The following SH3GL2 variants were observed in gnomAD, a reference collection of about 807,000 sequenced individuals.
SH3GL2 encodes endophilin-A1.
A neutral mutation model predicts 46.0 loss-of-function variants in SH3GL2; 24 were observed. The ratio of observed to expected loss-of-function variants is 0.52; its 90% confidence interval spans 0.38 to 0.73. The LOEUF is 0.73. Among genes scored for constraint, SH3GL2 ranks in the 30% least tolerant of loss-of-function variants. The probability of loss-of-function intolerance (pLI) is 0.00; values close to 1 mark genes in which losing one functional copy is unlikely to be tolerated. For synonymous variants in SH3GL2, 196 were observed against 147.1 expected (o/e 1.33, Z -2.40); for missense variants, 413 against 424.2 (o/e 0.97, Z 0.23).
chr9:17,581,089 A>G (rs1312966207), intron 1 of SH3GL2, among the ~76,000 whole-genome samples: 2 of 152,366 alleles, frequency 1.3e-5, no homozygotes, highest in African/African-American at 4.8e-5. Context: ...TAAAGTGTTC[A>G]ATAAATTATA....
At chr9:17,743,880 C>G (rs1022606404) in intron 1 of SH3GL2, among the ~76,000 whole-genome samples, 6 of 152,152 alleles carry the variant, frequency 3.9e-5, no homozygotes, top group Admixed American at 3.9e-4. Context: ...CACAGGGTTA[C>G]CAGGATTCTC....
intron 1 of SH3GL2, among the ~76,000 whole-genome samples, chr9:17,619,187 G>C (rs925263856): frequency 6.6e-5 from 10 of 152,174 alleles, no homozygotes; most frequent in African/African-American, 2.2e-4. Context: ...TGATGGCAGA[G>C]CTGGGCTTTG....
chr9:17,647,451 G>A (rs535039252), intron 1 of SH3GL2, among the ~76,000 whole-genome samples: 1 of 151,960 alleles, frequency 6.6e-6, no homozygotes, highest in African/African-American at 2.4e-5. Context: ...ACCGTTTGAG[G>A]AAACTGATGC....
intron 1 of SH3GL2, among the ~76,000 whole-genome samples, chr9:17,663,574 A>G (rs1487712648): frequency 6.6e-6 from 1 of 152,174 alleles, no homozygotes; most frequent in African/African-American, 2.4e-5. Context: ...TGAAATACGG[A>G]TTTATTGTTG....
intron 1 of SH3GL2, among the ~76,000 whole-genome samples, chr9:17,604,726 A>G (rs1364037733): frequency 6.6e-6 from 1 of 152,176 alleles, no homozygotes; most frequent in Non-Finnish European, 1.5e-5. Flanking sequence ...AGAGGATGTC[A>G]CTGCAGCCTG....
Position 17,683,002 on chromosome 9 carries a change from A to G in SH3GL2, c.46-64064A>G, listed in dbSNP as rs749453196. On this transcript the variant is annotated intron_variant, in intron 1 of 8. Transcript: ENST00000380607. Reference sequence around the variant, plus strand: ...AAAAATCCAGATAGTATACAAAATGACTTTTCTTGGTCTCATCAGAGAATT... The same window carrying G: ...AAAAATCCAGATAGTATACAAAATGGCTTTTCTTGGTCTCATCAGAGAATT... 1.8e-4 allele frequency among the ~76,000 whole-genome samples: 27 copies of G among 152,082 alleles called. 1 individual carries two copies. Among genetic ancestry groups the G allele is most frequent in the Non-Finnish European group, 7.4e-5 (5 of 68,006 alleles).
chr9:17,599,839 A>AT (rs1052488118), intron 1 of SH3GL2, among the ~76,000 whole-genome samples: 43 of 151,832 alleles, frequency 2.8e-4, no homozygotes, highest in Non-Finnish European at 4.0e-4. Flanking sequence ...TTTTCTTAAA[A>AT]TTTTTTTTGA....
intron 1 of SH3GL2, among the ~76,000 whole-genome samples, chr9:17,624,715 C>T (rs1003150157): frequency 6.6e-6 from 1 of 152,308 alleles, no homozygotes; most frequent in South Asian, 2.1e-4. Flanking sequence ...TCTGGCATAA[C>T]AATGTGATCA....
chr9:17,686,889 T>C (rs1036878252), intron 1 of SH3GL2, among the ~76,000 whole-genome samples: 1 of 150,474 alleles, frequency 6.6e-6, no homozygotes, highest in Non-Finnish European at 1.5e-5. Flanking sequence ...TGTATACATA[T>C]GTAACTAACC....
chr9:17,583,000 T>G (rs143162401), intron 1 of SH3GL2, among the ~76,000 whole-genome samples: 40 of 152,364 alleles, frequency 2.6e-4, no homozygotes, highest in Non-Finnish European at 5.0e-4. Context: ...TGATTTTATC[T>G]TAAATAATTA....
intron 1 of SH3GL2, among the ~76,000 whole-genome samples, chr9:17,637,140 G>A (rs895261066): frequency 3.3e-5 from 5 of 152,174 alleles, no homozygotes; most frequent in African/African-American, 9.7e-5. Context: ...TGGTATCTTG[G>A]TTTGATAGCT....
chr9:17,653,609 C>G (rs1317566712), intron 1 of SH3GL2, among the ~76,000 whole-genome samples: 3 of 152,140 alleles, frequency 2.0e-5, no homozygotes, highest in African/African-American at 7.2e-5. Context: ...TGTCCCTTCC[C>G]AAGTCCAAGT....
rs374378635 is a variant in SH3GL2, at chr9:17,777,902, A to AT, written c.188-8477dup. On this transcript the variant is annotated intron_variant, in intron 3 of 8. Coordinates refer to ENST00000380607, the MANE Select transcript of SH3GL2 (RefSeq NM_003026.5). ...TTTACATTCATCACTTACCAACTCT[A>AT]TTCCTTTAGCGTAGGTTGGGCTCTC... 7.9e-4 allele frequency among the ~76,000 whole-genome samples: 120 copies of AT among 152,090 alleles called. 1 individual carries two copies. The highest frequency in any genetic ancestry group is 2.6e-3 in the African/African-American group (106 of 41,482).
intron 1 of SH3GL2, among the ~76,000 whole-genome samples, chr9:17,732,810 A>G (rs778177352): frequency 4.6e-5 from 7 of 152,122 alleles, no homozygotes; most frequent in Non-Finnish European, 1.0e-4. Context: ...ATAAACAGTT[A>G]TGAGAAGCAA....
chr9:17,587,173 G>A (rs1818394148), intron 1 of SH3GL2, among the ~76,000 whole-genome samples: 1 of 152,190 alleles, frequency 6.6e-6, no homozygotes, highest in Non-Finnish European at 1.5e-5. Flanking sequence ...TTGCACTCCA[G>A]CCTGGGCGAC....
intron 1 of SH3GL2, among the ~76,000 whole-genome samples, chr9:17,680,759 G>T (rs1820746101): frequency 6.6e-6 from 1 of 151,844 alleles, no homozygotes; most frequent in Non-Finnish European, 1.5e-5. Flanking sequence ...TTTCTCTTGT[G>T]GGCATTTAGT....
At chr9:17,719,534 C>G (rs1821841331) in intron 1 of SH3GL2, among the ~76,000 whole-genome samples, 1 of 151,974 alleles carries the variant, frequency 6.6e-6, no homozygotes, top group Admixed American at 6.6e-5. Flanking sequence ...GCCTGTAATC[C>G]CAACACTTTG....
chr9:17,775,788 A>T (rs1228698429), intron 3 of SH3GL2, among the ~76,000 whole-genome samples: 1 of 152,116 alleles, frequency 6.6e-6, no homozygotes, highest in African/African-American at 2.4e-5. Flanking sequence ...GTTTCCCCCA[A>T]CAGTCAGAAC....
chr9:17,733,982 G>T (rs1588284562), intron 1 of SH3GL2, among the ~76,000 whole-genome samples: 1 of 151,916 alleles, frequency 6.6e-6, no homozygotes, highest in African/African-American at 2.4e-5. Context: ...TAGTGAACCA[G>T]TGTACTAAAG....
Sources: allele counts gnomAD v4.1 joint callset (sites outside exome capture counted in the v4.1 genomes callset), GRCh38; gene constraint gnomAD v4.1.1; transcripts MANE v1.5; gene names NCBI Gene and HGNC (gene_info 2026-07-23, HGNC 2026-07-21).